Variants in VDAC1 observed in about 807,000 individuals in gnomAD.
VDAC1 encodes non-selective voltage-gated ion channel VDAC1.
Under a neutral mutation model 34.7 loss-of-function variants are expected in VDAC1, and 10 were observed. That is an observed-to-expected ratio of 0.29 (90% CI 0.18 to 0.49). The LOEUF is 0.49. VDAC1 is among the 20% of genes least tolerant of loss of function. The pLI, the probability that VDAC1 is intolerant of heterozygous loss-of-function variation, is 0.99. For synonymous variants in VDAC1, 130 were observed against 136.0 expected (o/e 0.96, Z 0.30); for missense variants, 230 against 347.9 (o/e 0.66, Z 2.69).
At chr5:134,055,882 G>C in the VDAC1 span, among the ~76,000 whole-genome samples, 1 of 151,470 alleles carries the variant, frequency 6.6e-6, no homozygotes, top group Non-Finnish European at 1.5e-5. Flanking sequence ...CTTTCCTATG[G>C]GCGTGCAAGC....
the VDAC1 span, among the ~76,000 whole-genome samples, chr5:134,016,074 C>T: frequency 1.3e-5 from 2 of 152,328 alleles, no homozygotes; most frequent in African/African-American, 4.8e-5. Context: ...CAGGCATGAG[C>T]CCCCACACCT....
chr5:134,024,622 T>C, the VDAC1 span, among the ~76,000 whole-genome samples: 1 of 126,324 alleles, frequency 7.9e-6, no homozygotes, highest in Non-Finnish European at 1.7e-5. Context: ...AAAGAGTAAA[T>C]AAATAAAATG....
chr5:134,038,534 C>A, the VDAC1 span, among the ~76,000 whole-genome samples: 12 of 152,280 alleles, frequency 7.9e-5, no homozygotes, highest in East Asian at 1.5e-3. Flanking sequence ...TCCCACCCCC[C>A]ACAAATATCA....
chr5:134,054,722 A>G, the VDAC1 span, among the ~76,000 whole-genome samples: 2 of 152,018 alleles, frequency 1.3e-5, no homozygotes, highest in Admixed American at 6.5e-5. Context: ...TGGCCTCCCA[A>G]TGTGCTGAGA....
the VDAC1 span, among the ~76,000 whole-genome samples, chr5:134,014,219 G>A: frequency 3.3e-5 from 5 of 151,676 alleles, no homozygotes; most frequent in South Asian, 4.2e-4. Flanking sequence ...AATCCGGGGC[G>A]GTGGAGGTTG....
chr5:134,052,954 A>G, the VDAC1 span, among the ~76,000 whole-genome samples: 1 of 152,072 alleles, frequency 6.6e-6, no homozygotes, highest in Non-Finnish European at 1.5e-5. Context: ...TGTCTCTACT[A>G]AAAATACAAA....
At chr5:134,094,631 A>G in the VDAC1 span, among the ~76,000 whole-genome samples, 3 of 132,178 alleles carry the variant, frequency 2.3e-5, no homozygotes, top group African/African-American at 8.4e-5. Context: ...CGGGAGGCGG[A>G]GCTTGCAGTA....
the VDAC1 span, among the ~76,000 whole-genome samples, chr5:134,094,771 TGCCA>T: frequency 6.7e-6 from 1 of 149,050 alleles, no homozygotes; most frequent in African/African-American, 2.5e-5. Flanking sequence ...GAGGCCCTAA[TGCCA>T]ACGAGCAGCC....
At chr5:134,024,063 G>C in the VDAC1 span, among the ~76,000 whole-genome samples, 1 of 151,914 alleles carries the variant, frequency 6.6e-6, no homozygotes, top group Non-Finnish European at 1.5e-5. Context: ...AGAATGGCTT[G>C]AACCAGGAGG....
chr5:134,043,968 C>T, the VDAC1 span, among the ~76,000 whole-genome samples: 2 of 152,168 alleles, frequency 1.3e-5, no homozygotes, highest in Admixed American at 6.5e-5. Context: ...TGCCCTCAGT[C>T]GCCCATTTCA....
At chr5:134,001,349 G>A (rs747238904) in intron 1 of VDAC1, among the ~76,000 whole-genome samples, 1 of 152,112 alleles carries the variant, frequency 6.6e-6, no homozygotes, top group African/African-American at 2.4e-5. Context: ...CAGAACATTC[G>A]TTGAGCCCCC....
At chr5:134,064,017 TTTTA>T in the VDAC1 span, among the ~76,000 whole-genome samples, 1 of 148,198 alleles carries the variant, frequency 6.7e-6, no homozygotes, top group African/African-American at 2.5e-5. Context: ...TTTTTTTTTT[TTTTA>T]GAGACAGGTT....
At chr5:133,980,689 A>ACCCCCCCC in intron 6 of VDAC1, 40 bp downstream of exon 6, 4 of 564,056 alleles carry the variant, frequency 7.1e-6, no homozygotes, top group Non-Finnish European at 1.0e-5. Flanking sequence ...ACATGCTCCA[A>ACCCCCCCC]CCCCACCCCT....
At chr5:134,113,301 C>T in the VDAC1 span, among the ~76,000 whole-genome samples, 1 of 152,174 alleles carries the variant, frequency 6.6e-6, no homozygotes, top group Non-Finnish European at 1.5e-5. Flanking sequence ...GCACCCTAGC[C>T]CGGAGGTGGC....
chr5:133,979,424 C>CTTTTTTTTTTTTTTCT (rs1752603180), intron 6 of VDAC1, among the ~76,000 whole-genome samples: 1 of 80,992 alleles, frequency 1.2e-5, no homozygotes, highest in African/African-American at 5.1e-5. Context: ...ATTTTCTTTG[C>CTTTTTTTTTTTTTTCT]TTTTTTTTTT....
intron 5 of VDAC1, among the ~76,000 whole-genome samples, chr5:133,985,085 G>A (rs1445656712): frequency 6.6e-6 from 1 of 152,198 alleles, no homozygotes; most frequent in Non-Finnish European, 1.5e-5. Flanking sequence ...CTTTCTGGAG[G>A]ATGAATGCAG....
At chr5:134,079,445 A>T in the VDAC1 span, among the ~76,000 whole-genome samples, 3 of 152,158 alleles carry the variant, frequency 2.0e-5, no homozygotes, top group Admixed American at 2.0e-4. Context: ...TTTGGGAAAC[A>T]CTGAGGGAGA....
At chr5:133,980,654 C>T (rs1226148187) in intron 6 of VDAC1, 75 bp downstream of exon 6, 1 of 484,572 alleles carries the variant, frequency 2.1e-6, no homozygotes. Context: ...AAAAAAAAAA[C>T]AGTGAAAAGC....
chr5:134,088,103 T>C, the VDAC1 span, among the ~76,000 whole-genome samples: 112,411 of 151,770 alleles, frequency 0.74, 43,044 homozygotes, highest in Non-Finnish European at 0.86. Flanking sequence ...TGCAGTGAGC[T>C]GAGATCACGC....
Sources: allele counts gnomAD v4.1 joint callset (sites outside exome capture counted in the v4.1 genomes callset), GRCh38; gene constraint gnomAD v4.1.1; transcripts MANE v1.5; gene names NCBI Gene and HGNC (gene_info 2026-07-23, HGNC 2026-07-21).